The following FHL2 variants were observed in gnomAD, a reference collection of about 807,000 sequenced individuals.
The protein encoded by FHL2 is four and a half LIM domains 2, also known as four and a half LIM domains protein 2.
In FHL2, 20 loss-of-function variants were observed where a neutral mutation model predicts 32.7. The observed-to-expected ratio is 0.61, with a 90% confidence interval of 0.43 to 0.89. The LOEUF (loss-of-function observed/expected upper bound fraction) is 0.89, where lower values mean the gene tolerates loss of function less well. Among genes scored for constraint, FHL2 ranks in the 40% least tolerant of loss-of-function variants. The pLI is 0.00. For synonymous variants in FHL2, 123 were observed against 128.1 expected (o/e 0.96, Z 0.27); for missense variants, 311 against 358.6 (o/e 0.87, Z 1.07).
intron 4 of FHL2, among the ~76,000 whole-genome samples, chr2:105,370,234 G>C (rs1036448893): frequency 1.3e-5 from 2 of 152,110 alleles, no homozygotes; most frequent in African/African-American, 4.8e-5. Context: ...AATTAGGCGG[G>C]TGTGGTGGTG....
intron 1 of FHL2, 111 bp downstream of exon 1, chr2:105,398,731 T>C: frequency 1.3e-6 from 1 of 763,056 alleles, no homozygotes; most frequent in Non-Finnish European, 1.8e-6. Flanking sequence ...TCGGCTCTCC[T>C]CTCCCGGGTC....
chr2:105,409,598 A>G (rs1279700203), intron 1 of FHL2, among the ~76,000 whole-genome samples: 1 of 152,184 alleles, frequency 6.6e-6, no homozygotes, highest in Non-Finnish European at 1.5e-5. Flanking sequence ...GATCAATGCT[A>G]CCATTTTGAT....
At chr2:105,415,065 T>C (rs1362478299) in intron 1 of FHL2, among the ~76,000 whole-genome samples, 1 of 152,226 alleles carries the variant, frequency 6.6e-6, no homozygotes, top group East Asian at 1.9e-4. Flanking sequence ...CGCAGATGTA[T>C]ACAGATACTA....
rs570993935 is a variant in FHL2, at chr2:105,381,071, A to C, written c.156+5290T>G. On this transcript the variant is annotated intron_variant, in intron 3 of 6. Coordinates refer to ENST00000530340, the MANE Select transcript of FHL2 (RefSeq NM_001318895.3). ...TTAATGGAAGGTGGCTCTGGGTGGC[A>C]GGGTCACCCAGACTGAAACGTCTGG... 3.9e-5 allele frequency among the ~76,000 whole-genome samples: 6 copies of C among 152,234 alleles called. No homozygotes were observed. The East Asian group carries it at 1.2e-3, about 30-fold the overall frequency.
At position 105,367,469 on chromosome 2, in the gene FHL2, G is replaced by A. The variant is rs1680715337; in HGVS notation, c.501+101C>T. Reference sequence around the variant, plus strand: ...CAGGCACAGCTCCCACGCCACTTAAGTATCACAGGTATCCTTGGTTTTGGA... The same window carrying A: ...CAGGCACAGCTCCCACGCCACTTAAATATCACAGGTATCCTTGGTTTTGGA... On this transcript the variant is annotated intron_variant, in intron 5 of 6. Transcript: ENST00000530340. The A allele has an allele frequency of 4.1e-6, 5 of 1,219,008 alleles. No homozygotes were observed. In the Admixed American group the frequency reaches 1.1e-4, roughly 27 times the overall value. The allele number at this position is 1,219,008 out of a possible 1,614,324, so 75.5% of individuals were successfully genotyped here. A position where few individuals can be genotyped will look rare whatever the true frequency, so the allele number is the denominator to read the frequency against.
At chr2:105,387,056 C>T (rs972401183) in intron 2 of FHL2, among the ~76,000 whole-genome samples, 1 of 152,100 alleles carries the variant, frequency 6.6e-6, no homozygotes, top group South Asian at 2.1e-4. Flanking sequence ...TGAGCCATCA[C>T]GCCTGGTCAC....
At chr2:105,422,156 A>C (rs1203796814) in intron 1 of FHL2, among the ~76,000 whole-genome samples, 1 of 152,218 alleles carries the variant, frequency 6.6e-6, no homozygotes, top group Admixed American at 6.5e-5. Context: ...AAGCCATAGT[A>C]AGAAACAGCT....
intron 2 of FHL2, among the ~76,000 whole-genome samples, chr2:105,393,909 G>C (rs1277818581): frequency 6.6e-6 from 1 of 152,184 alleles, no homozygotes; most frequent in Non-Finnish European, 1.5e-5. Flanking sequence ...CAGCTGCACA[G>C]TCCAGGATGC....
At position 105,371,289 on chromosome 2, in the gene FHL2, C is replaced by CACG. The variant is rs1165722084; in HGVS notation, c.331+2267_331+2269dup. Among the ~76,000 whole-genome samples the CACG allele has an allele frequency of 2.0e-5, 3 of 152,218 alleles. No homozygotes were observed. The East Asian group carries it at 5.8e-4, about 29-fold the overall frequency. ...CAAGCTTCGAGTGCAGCACGTTACCCACGTATCAGGGCCGGGCTTCATCTA... is the reference window on the plus strand; with the variant it reads ...CAAGCTTCGAGTGCAGCACGTTACCCACGACGTATCAGGGCCGGGCTTCATCTA... On this transcript the variant is annotated intron_variant, in intron 4 of 6. Transcript: ENST00000530340.
chr2:105,415,107 A>G (rs1332054770), intron 1 of FHL2, among the ~76,000 whole-genome samples: 2 of 152,254 alleles, frequency 1.3e-5, no homozygotes, highest in Non-Finnish European at 2.9e-5. Context: ...AAGTTGGGAA[A>G]CAATCTAAAT....
At chr2:105,399,331 G>T (rs763537023), upstream of FHL2, 19 of 1,535,780 alleles carry the variant, frequency 1.2e-5, no homozygotes, top group South Asian at 2.1e-4. Flanking sequence ...TTCGGACGAG[G>T]CCTGGGCGCG....
At chr2:105,434,617 C>A (rs1333492876) in intron 1 of FHL2, among the ~76,000 whole-genome samples, 1 of 151,870 alleles carries the variant, frequency 6.6e-6, no homozygotes, top group Non-Finnish European at 1.5e-5. Flanking sequence ...TTATCTTTAA[C>A]TTGGTTGCAC....
intron 5 of FHL2, 127 bp from the exon 6 acceptor site, chr2:105,363,598 G>A (rs1217010099): frequency 2.3e-6 from 2 of 866,762 alleles, no homozygotes; most frequent in African/African-American, 3.4e-5. Flanking sequence ...TCACCAAGAA[G>A]CTGCTTTACA....
In FHL2 at chr2:105,395,444, T is replaced by C. The variant is rs377199863; in HGVS notation, c.-25+1203A>G. Among the ~76,000 whole-genome samples the C allele has an allele frequency of 9.7e-4, 148 of 152,276 alleles. 1 individual carries two copies. Among genetic ancestry groups the C allele is most frequent in the African/African-American group, 3.4e-3 (140 of 41,556 alleles). ...CCCAAGTGCGGCTCACTGTTCACTC[T>C]CCCAGCTATCTGAGGTGCCTATGAC... On this transcript the variant is annotated intron_variant, in intron 2 of 6. Transcript: ENST00000530340.
intron 1 of FHL2, among the ~76,000 whole-genome samples, chr2:105,429,713 C>A (rs1274865936): frequency 6.6e-6 from 1 of 152,218 alleles, no homozygotes; most frequent in Non-Finnish European, 1.5e-5. Context: ...TTTGCTACGG[C>A]ATCCATAGGA....
intron 1 of FHL2, among the ~76,000 whole-genome samples, chr2:105,407,220 G>A (rs1207836452): frequency 6.6e-6 from 1 of 152,026 alleles, no homozygotes; most frequent in Admixed American, 6.5e-5. Context: ...GTGAAACCCT[G>A]TCTCTACTAA....
intron 6 of FHL2, among the ~76,000 whole-genome samples, chr2:105,362,254 A>G (rs1308739551): frequency 3.3e-5 from 5 of 152,238 alleles, no homozygotes; most frequent in African/African-American, 1.2e-4. Context: ...AAATGACCAG[A>G]AACAGATATT....
rs61248681 is a variant in FHL2, at chr2:105,369,818, C to T, written c.332-2079G>A. 8.6e-3 allele frequency among the ~76,000 whole-genome samples: 1,309 copies of T among 152,186 alleles called. 20 individuals carry two copies. The highest frequency in any genetic ancestry group is 0.03 in the African/African-American group (1,230 of 41,520). On this transcript the variant is annotated intron_variant, in intron 4 of 6. Coordinates refer to ENST00000530340, the MANE Select transcript of FHL2 (RefSeq NM_001318895.3). ...ACTCTCATGGCATTCTTGTCGAGTT[C>T]TGAAATAAGTCTGATCAGATCAACA...
At position 105,434,310 on chromosome 2, in the gene FHL2, G is replaced by A. The variant is rs182519117; in HGVS notation, c.-25+4089C>T. On this transcript the variant is annotated intron_variant, in intron 1 of 5. Transcript: ENST00000393352. ...ACATTGACCAGGCACGGTGGCTCAC[G>A]CCTGTAATCCTAGTACTTTGGGAGG... Among the ~76,000 whole-genome samples the A allele has an allele frequency of 6.6e-5, 10 of 152,326 alleles. No homozygotes were observed. In the East Asian group the frequency reaches 1.7e-3, roughly 26 times the overall value.
Sources: gnomAD v4.1 joint callset for allele counts (sites outside exome capture counted in the v4.1 genomes callset) on GRCh38, gnomAD v4.1.1 for gene constraint, MANE v1.5 for transcripts, NCBI Gene and HGNC (gene_info 2026-07-23, HGNC 2026-07-21) for gene names.